Variants in CPA5 observed in about 807,000 individuals in gnomAD.
CPA5 encodes carboxypeptidase A5.
CPA5 carries 38 observed loss-of-function variants against 52.2 expected under a neutral mutation model. The ratio of observed to expected loss-of-function variants is 0.73; its 90% CI spans 0.56 to 0.95. The LOEUF (loss-of-function observed/expected upper bound fraction) is 0.95. CPA5 is among the 40% of genes least tolerant of loss of function. CPA5 has a pLI of 0.00. For missense variants in CPA5, 519 were observed against 566.7 expected (o/e 0.92, Z 0.86); for synonymous variants, 198 against 213.7 (o/e 0.93, Z 0.64).
intron 5 of CPA5, among the ~76,000 whole-genome samples, chr7:130,351,175 G>GT (rs1562949836): frequency 6.6e-6 from 1 of 152,202 alleles, no homozygotes; most frequent in African/African-American, 2.4e-5. Flanking sequence ...CCCGCTCAAC[G>GT]TGTGGGGGTG....
At chr7:130,362,585 A>C (rs782799754) in intron 8 of CPA5, 46 bp downstream of exon 8, 30 of 1,380,202 alleles carry the variant, frequency 2.2e-5, no homozygotes, top group Non-Finnish European at 2.4e-5. Flanking sequence ...TGGGGGCTGC[A>C]ACTGGGGGCA....
chr7:130,370,364 G>A (rs1554409773), downstream of CPA5, among the ~76,000 whole-genome samples: 2 of 152,090 alleles, frequency 1.3e-5, no homozygotes, highest in Non-Finnish European at 2.9e-5. Flanking sequence ...ATTGGTCTGA[G>A]TGAGCTAGAA....
intron 5 of CPA5, among the ~76,000 whole-genome samples, chr7:130,351,074 C>T (rs1204887609): frequency 6.6e-6 from 1 of 152,234 alleles, no homozygotes; most frequent in African/African-American, 2.4e-5. Flanking sequence ...GGGATCAACG[C>T]ATCAGGCAGC....
chr7:130,349,988 G>A lies in CPA5; in HGVS notation c.212G>A (p.Arg71His), dbSNP rs150894289. The A allele has an allele frequency of 2.1e-5, 34 of 1,613,344 alleles. No individual in the cohort carries two copies. Among genetic ancestry groups the A allele is most frequent in the Admixed American group, 8.3e-5 (5 of 59,918 alleles). ...TTGGTGAACAAGGTGGACTTCTGGC[G>A]TGGCCCAGCCAGGCCCAGCCTCCCT... ...GLKPQKVDFWRGPARPSLPVD... is the reference protein window; with the variant it reads ...GLKPQKVDFWHGPARPSLPVD... Residue 71 changes from arginine to histidine, a missense_variant, in exon 5 of 13, where the codon CGT (arginine) becomes CAT (histidine). Physicochemically the swap from Arg to His is conservative, Grantham distance 29 (BLOSUM62 0). Transcript: ENST00000474905.
downstream of CPA5, among the ~76,000 whole-genome samples, chr7:130,371,584 T>C (rs150024428): frequency 6.6e-6 from 1 of 151,968 alleles, no homozygotes; most frequent in Admixed American, 6.5e-5. Flanking sequence ...CTTTTTTTTT[T>C]TTTGAGACGG....
At chr7:130,371,615 T>C (rs1283371523), downstream of CPA5, among the ~76,000 whole-genome samples, 13 of 151,658 alleles carry the variant, frequency 8.6e-5, no homozygotes, top group African/African-American at 2.9e-4. Context: ...TTGTTGCCCA[T>C]GGTGCGATCT....
At chr7:130,368,271 G>A in intron 12 of CPA5, 139 bp from the exon 13 acceptor site, 1 of 794,396 alleles carries the variant, frequency 1.3e-6, no homozygotes, top group South Asian at 1.7e-5. Context: ...TTTGAGGCCT[G>A]GGCAGGAAGC....
chr7:130,359,998 G>A (rs573939812), intron 6 of CPA5, among the ~76,000 whole-genome samples: 6 of 152,278 alleles, frequency 3.9e-5, no homozygotes, highest in African/African-American at 1.4e-4. Flanking sequence ...GAATAGAGCA[G>A]GTAGAAGCTA....
At chr7:130,366,001 C>T (rs782416101) in intron 10 of CPA5, among the ~76,000 whole-genome samples, 1 of 152,244 alleles carries the variant, frequency 6.6e-6, no homozygotes, top group Non-Finnish European at 1.5e-5. Flanking sequence ...ACCACCAAAC[C>T]GAGAAGGGGC....
At chr7:130,359,445 T>A (rs1795670681) in intron 5 of CPA5, 144 bp from the exon 6 acceptor site, 2 of 579,176 alleles carry the variant, frequency 3.5e-6, no homozygotes, top group Non-Finnish European at 3.1e-6. Context: ...GGACCTTCCT[T>A]CTGTTGTGCA....
At chr7:130,349,735 CA>C (rs533138974) in intron 4 of CPA5, among the ~76,000 whole-genome samples, 840 of 38,034 alleles carry the variant, frequency 0.022, 6 homozygotes, top group African/African-American at 0.066. Context: ...TTAAAAATTA[CA>C]AAAAAACCTG....
At chr7:130,355,649 T>C (rs1795435856) in intron 5 of CPA5, among the ~76,000 whole-genome samples, 1 of 152,220 alleles carries the variant, frequency 6.6e-6, no homozygotes, top group African/African-American at 2.4e-5. Context: ...CCTCAAGTGA[T>C]CCATCTGCCT....
At chr7:130,349,904 T>C (rs782314550) in intron 4 of CPA5, 71 bp from the exon 5 acceptor site, 43 of 1,517,456 alleles carry the variant, frequency 2.8e-5, no homozygotes, top group Non-Finnish European at 3.7e-5. Flanking sequence ...TCTGGCTCTC[T>C]GTGGTCACCT....
rs1414706823 is a variant in CPA5 at position 130,344,949 on chromosome 7, C to T, written c.-408C>T. 6.6e-6 allele frequency: 1 copy of T among 152,168 alleles called. No homozygotes were observed. Among genetic ancestry groups the T allele is most frequent in the East Asian group, 1.9e-4 (1 of 5,194 alleles). The allele number at this position is 152,168 out of a possible 1,614,324, so 9.4% of individuals were successfully genotyped here. On this transcript the variant is annotated 5_prime_UTR_variant, in exon 1 of 13. Coordinates refer to ENST00000474905, the MANE Select transcript of CPA5 (RefSeq NM_080385.5). ...AATGATGTTTTTGAACAAGAAGACGCCCCATGGGTACTTTTGGTGACTAGC... is the reference window on the plus strand; with the variant it reads ...AATGATGTTTTTGAACAAGAAGACGTCCCATGGGTACTTTTGGTGACTAGC...
intron 5 of CPA5, among the ~76,000 whole-genome samples, chr7:130,352,700 T>C (rs918222): frequency 2.0e-5 from 3 of 152,106 alleles, no homozygotes; most frequent in African/African-American, 4.8e-5. Context: ...CAGTGTTGAG[T>C]TGGGGACAGG....
chr7:130,369,963 C>T (rs539746141), downstream of CPA5, among the ~76,000 whole-genome samples: 9 of 152,272 alleles, frequency 5.9e-5, no homozygotes, highest in South Asian at 2.1e-4. Flanking sequence ...AGGTTCATAT[C>T]CAATATAGTG....
At chr7:130,372,261 ACTCT>A (rs1193142849), downstream of CPA5, among the ~76,000 whole-genome samples, 1 of 152,224 alleles carries the variant, frequency 6.6e-6, no homozygotes, top group Admixed American at 6.5e-5. Context: ...TGCGTTGCTC[ACTCT>A]CTCTGCACCT....
In CPA5 at chr7:130,346,769, G is replaced by A. The variant is rs948366832; in HGVS notation, c.116+168G>A. ...CCACAGCCTCCCACTTTCATGCTCC[G>A]GGGCTGGCTCGTTGGTGGTCCTCCC... On this transcript the variant is annotated intron_variant, in intron 3 of 12. Transcript: ENST00000474905. Among the ~76,000 whole-genome samples the A allele has an allele frequency of 5.3e-5, 8 of 152,170 alleles. 1 individual carries two copies. In the South Asian group the frequency reaches 8.3e-4, roughly 16 times the overall value.
At chr7:130,367,298 A>G (rs1161780827) in intron 10 of CPA5, 74 bp from the exon 11 acceptor site, 4 of 1,314,000 alleles carry the variant, frequency 3.0e-6, no homozygotes, top group East Asian at 2.3e-5. Context: ...AGGGGAACAC[A>G]CAGGTATTTT....
Sources: gnomAD v4.1 joint callset for allele counts (sites outside exome capture counted in the v4.1 genomes callset) on GRCh38, gnomAD v4.1.1 for gene constraint, MANE v1.5 for transcripts, NCBI Gene and HGNC (gene_info 2026-07-23, HGNC 2026-07-21) for gene names.